TRA2A: variants seen among roughly 807,000 people sequenced by gnomAD.
TRA2A encodes transformer 2 alpha homolog.
In TRA2A, 31 loss-of-function variants were observed where a neutral mutation model predicts 45.7. The observed-to-expected ratio is 0.68, with a 90% CI of 0.51 to 0.92. TRA2A has a LOEUF of 0.92. TRA2A is among the 40% of genes least tolerant of loss of function. The pLI, the probability that TRA2A is intolerant of heterozygous loss-of-function variation, is 0.00. For synonymous variants in TRA2A, 132 were observed against 126.2 expected (o/e 1.05, Z -0.31); for missense variants, 304 against 367.5 (o/e 0.83, Z 1.41).
chr7:23,523,738 C>G lies in TRA2A; in HGVS notation c.37-1898G>C, dbSNP rs570662931. ...CCACTCAACAGATGTCTGGAGCAGG[C>G]ATAGCAATCTGGGCTTTTTCATTCA... On this transcript the variant is annotated intron_variant, in intron 1 of 7. Coordinates refer to ENST00000297071, the MANE Select transcript of TRA2A (RefSeq NM_013293.5). Among the ~76,000 whole-genome samples the G allele has an allele frequency of 2.0e-5, 3 of 152,318 alleles. No homozygotes were observed. In the South Asian group the frequency reaches 6.2e-4, roughly 32 times the overall value.
intron 3 of TRA2A, 114 bp from the exon 4 acceptor site, chr7:23,513,196 T>C (rs1034659123): frequency 1.3e-6 from 1 of 749,090 alleles, no homozygotes; most frequent in African/African-American, 1.8e-5. Flanking sequence ...TTGTTTCTAA[T>C]AATTTGGAGA....
Position 23,521,697 on chromosome 7 carries a change from A to G in TRA2A, c.170+10T>C, listed in dbSNP as rs1391380093. ...AAGAATATTTTAAGTATTATCTTAAACACACTTACCTGGATTTTGATCTTG... is the reference window on the plus strand; with the variant it reads ...AAGAATATTTTAAGTATTATCTTAAGCACACTTACCTGGATTTTGATCTTG... On this transcript the variant is annotated intron_variant, in intron 2 of 7. Coordinates refer to ENST00000297071, the MANE Select transcript of TRA2A (RefSeq NM_013293.5). 14 of 1,613,918 alleles carry G rather than the reference A, an allele frequency of 8.7e-6. No homozygotes were observed. The highest frequency in any genetic ancestry group is 1.2e-5 in the Non-Finnish European group (14 of 1,179,858).
At chr7:23,520,253 GTC>G (rs1417004063) in intron 2 of TRA2A, among the ~76,000 whole-genome samples, 1 of 152,218 alleles carries the variant, frequency 6.6e-6, no homozygotes, top group Non-Finnish European at 1.5e-5. Flanking sequence ...CTCTTCAGGA[GTC>G]TCTATTTTTT....
chr7:23,508,790 G>A (rs886801167), intron 4 of TRA2A, among the ~76,000 whole-genome samples: 1 of 152,050 alleles, frequency 6.6e-6, no homozygotes, highest in African/African-American at 2.4e-5. Flanking sequence ...CACCACGCCT[G>A]GCCTGCATGC....
In TRA2A at chr7:23,512,908, C is replaced by A; in HGVS notation, c.511G>T (p.Asp171Tyr). Residue 171 changes from aspartate to tyrosine, a missense_variant, in exon 4 of 8, where the codon GAT (aspartate) becomes TAT (tyrosine). Transcript: ENST00000297071. The part of the protein sequence containing the change: ...GFAFVYFERI[D>Y]DSKEAMERAN... ...GACAAATTTACCTCCTTTGAGTCAT[C>A]TATTCTCTCAAAATACACAAAAGCA... 6.2e-7 allele frequency: 1 copy of A among 1,612,634 alleles called. No homozygotes were observed. The highest frequency in any genetic ancestry group is 8.5e-7 in the Non-Finnish European group (1 of 1,179,276).
chr7:23,527,553 A>T (rs1486719918), intron 1 of TRA2A, among the ~76,000 whole-genome samples: 1 of 152,248 alleles, frequency 6.6e-6, no homozygotes, highest in African/African-American at 2.4e-5. Context: ...GTCAAGTTCT[A>T]GGAAACTACT....
rs142089269 is a variant in TRA2A at position 23,509,353 on chromosome 7, T to C, written c.526-1818A>G. Among the ~76,000 whole-genome samples, 856 of 152,266 alleles carry C rather than the reference T, an allele frequency of 5.6e-3. 3 individuals carry two copies. The highest frequency in any genetic ancestry group is 0.02 in the African/African-American group (826 of 41,542). On this transcript the variant is annotated intron_variant, in intron 4 of 7. Coordinates refer to ENST00000297071, the MANE Select transcript of TRA2A (RefSeq NM_013293.5). Reference sequence around the variant, plus strand: ...AGCTTATATTATTATCTTCACCATATGCACACTAATAACTTTGAAACTTCA... The same window carrying C: ...AGCTTATATTATTATCTTCACCATACGCACACTAATAACTTTGAAACTTCA...
chr7:23,530,638 G>A (rs888573567), intron 1 of TRA2A, among the ~76,000 whole-genome samples: 1 of 152,124 alleles, frequency 6.6e-6, no homozygotes, highest in African/African-American at 2.4e-5. Flanking sequence ...GGTAAACTTT[G>A]GAAATGAAAC....
intron 4 of TRA2A, among the ~76,000 whole-genome samples, chr7:23,511,344 C>T (rs1426299847): frequency 7.9e-6 from 1 of 126,948 alleles, no homozygotes; most frequent in East Asian, 2.5e-4. Context: ...GCACTCCAGC[C>T]TGGGCGACAG....
At position 23,521,778 on chromosome 7, in the gene TRA2A, C is replaced by CCTG; in HGVS notation, c.96_98dup (p.Ser32dup). 6.2e-7 allele frequency: 1 copy of CCTG among 1,614,154 alleles called. No homozygotes were observed. Among genetic ancestry groups the CCTG allele is most frequent in the South Asian group, 1.1e-5 (1 of 91,084 alleles). On this transcript the variant is annotated inframe_insertion, in exon 2 of 8. Transcript: ENST00000297071. ...CCCTTGATGGACTACGAGATCCTGA[C>CCTG]CTGCTCTCCGATTTTACACGAGCAG...
chr7:23,517,640 G>A (rs920566926), intron 2 of TRA2A, among the ~76,000 whole-genome samples: 15 of 148,172 alleles, frequency 1.0e-4, no homozygotes, highest in Admixed American at 6.0e-4. Flanking sequence ...CAGGCTGGGC[G>A]CAGTGGCTCA....
intron 2 of TRA2A, among the ~76,000 whole-genome samples, chr7:23,519,401 C>T (rs1790033450): frequency 6.6e-6 from 1 of 151,784 alleles, no homozygotes; most frequent in Non-Finnish European, 1.5e-5. Flanking sequence ...AGACTAATGA[C>T]CCACCCTTAA....
At chr7:23,514,591 A>G (rs1472713813) in intron 3 of TRA2A, among the ~76,000 whole-genome samples, 12 of 149,354 alleles carry the variant, frequency 8.0e-5, no homozygotes, top group African/African-American at 3.0e-4. Flanking sequence ...CCTCTCCTCC[A>G]TTTTCTTTCT....
At chr7:23,529,312 C>A (rs1584149906) in intron 1 of TRA2A, among the ~76,000 whole-genome samples, 2 of 152,168 alleles carry the variant, frequency 1.3e-5, no homozygotes, top group East Asian at 3.8e-4. Flanking sequence ...GAGTCTCATT[C>A]TGTTGCCTAG....
rs1789398909 is a variant in TRA2A at position 23,507,540 on chromosome 7, A to G, written c.526-5T>C. Reference sequence around the variant, plus strand: ...TCCATTTGCCCTTTCCATAGCCTATAAAGAACAGGCACAAAAAGTCACGTA... The same window carrying G: ...TCCATTTGCCCTTTCCATAGCCTATGAAGAACAGGCACAAAAAGTCACGTA... On this transcript the variant is annotated splice_polypyrimidine_tract_variant and splice_region_variant and intron_variant, in intron 4 of 7. Coordinates refer to ENST00000297071, the MANE Select transcript of TRA2A (RefSeq NM_013293.5). 2 of 1,606,772 alleles carry G rather than the reference A, an allele frequency of 1.2e-6. No individual in the cohort carries two copies. The highest frequency in any genetic ancestry group is 1.7e-6 in the Non-Finnish European group (2 of 1,173,512).
chr7:23,514,004 C>G (rs549651468), intron 3 of TRA2A, among the ~76,000 whole-genome samples: 1 of 151,766 alleles, frequency 6.6e-6, no homozygotes, highest in Non-Finnish European at 1.5e-5. Context: ...AGGGCAAATA[C>G]TTAGGCTAAA....
At chr7:23,506,984 CGATCTCGT>C (rs997851171) in intron 5 of TRA2A, among the ~76,000 whole-genome samples, 10 of 152,202 alleles carry the variant, frequency 6.6e-5, no homozygotes, top group South Asian at 4.1e-4. Flanking sequence ...ACCGTGGTCC[CGATCTCGT>C]GATCTCGTGA....
At chr7:23,530,965 G>T (rs1046135) in intron 1 of TRA2A, among the ~76,000 whole-genome samples, 16,194 of 151,682 alleles carry the variant, frequency 0.11, 933 homozygotes, top group Middle Eastern at 0.15. Context: ...TTAGATGAAA[G>T]GTCATAGGAA....
chr7:23,519,116 G>T (rs1011531042), intron 2 of TRA2A, among the ~76,000 whole-genome samples: 1 of 152,142 alleles, frequency 6.6e-6, no homozygotes, highest in African/African-American at 2.4e-5. Context: ...CCGACAGGCC[G>T]GGCACGGTGG....
Sources: gnomAD v4.1 joint callset for allele counts (sites outside exome capture counted in the v4.1 genomes callset) on GRCh38, gnomAD v4.1.1 for gene constraint, MANE v1.5 for transcripts, NCBI Gene and HGNC (gene_info 2026-07-23, HGNC 2026-07-21) for gene names.